AFG2A: variants seen among roughly 807,000 people sequenced by gnomAD.
AFG2A encodes the protein ATPase family gene 2 protein homolog A.
the AFG2A span, among the ~76,000 whole-genome samples, chr4:123,185,496 A>G: frequency 2.0e-5 from 3 of 152,156 alleles, no homozygotes; most frequent in African/African-American, 7.2e-5. Flanking sequence ...AAATAGGTTG[A>G]AGTAATTTTG....
At chr4:123,205,896 C>A in the AFG2A span, among the ~76,000 whole-genome samples, 1 of 152,154 alleles carries the variant, frequency 6.6e-6, no homozygotes, top group Non-Finnish European at 1.5e-5. Context: ...AGTATTCAGG[C>A]ATCCCCTGCT....
the AFG2A span, among the ~76,000 whole-genome samples, chr4:123,278,625 G>A: frequency 3.9e-5 from 6 of 152,160 alleles, no homozygotes; most frequent in African/African-American, 9.6e-5. Context: ...CTGCCTTAGC[G>A]GTGTCCCAGA....
chr4:123,193,042 T>A, the AFG2A span, among the ~76,000 whole-genome samples: 110 of 152,372 alleles, frequency 7.2e-4, no homozygotes, highest in African/African-American at 2.5e-3. Context: ...CAAGTGGCTT[T>A]AATTCTTCTG....
At chr4:123,084,596 G>T in the AFG2A span, among the ~76,000 whole-genome samples, 63 of 146,032 alleles carry the variant, frequency 4.3e-4, no homozygotes, top group African/African-American at 1.6e-3. Context: ...ATATATGTGT[G>T]TGTGTGTGTG....
chr4:123,265,767 TA>T, the AFG2A span, among the ~76,000 whole-genome samples: 4 of 152,192 alleles, frequency 2.6e-5, no homozygotes, highest in Non-Finnish European at 4.4e-5. Flanking sequence ...CCAGATAATC[TA>T]GTCCCCAAGG....
the AFG2A span, among the ~76,000 whole-genome samples, chr4:123,069,836 G>A: frequency 6.6e-6 from 1 of 152,136 alleles, no homozygotes; most frequent in Non-Finnish European, 1.5e-5. Context: ...AAAACGTAAA[G>A]TACTCTAATT....
At chr4:123,134,312 C>A in the AFG2A span, among the ~76,000 whole-genome samples, 4 of 152,242 alleles carry the variant, frequency 2.6e-5, no homozygotes, top group Admixed American at 6.5e-5. Flanking sequence ...CATTTTTATT[C>A]TATATGTGGA....
chr4:123,065,061 G>A, the AFG2A span, among the ~76,000 whole-genome samples: 15 of 152,170 alleles, frequency 9.9e-5, no homozygotes, highest in African/African-American at 3.6e-4. Context: ...CTATAGAGCA[G>A]ATACCCTGAG....
At chr4:123,024,943 T>C in the AFG2A span, among the ~76,000 whole-genome samples, 3 of 152,040 alleles carry the variant, frequency 2.0e-5, no homozygotes, top group African/African-American at 7.2e-5. Context: ...AGAAAGAGGA[T>C]GGGGTAGAGG....
At chr4:123,056,248 A>G in the AFG2A span, 1 of 726,752 alleles carries the variant, frequency 1.4e-6, no homozygotes, top group South Asian at 2.2e-5. Context: ...TAACAAACAG[A>G]GAAAATAAGC....
At chr4:123,004,371 G>T in the AFG2A span, among the ~76,000 whole-genome samples, 1 of 152,260 alleles carries the variant, frequency 6.6e-6, no homozygotes, top group Non-Finnish European at 1.5e-5. Flanking sequence ...TACCTCAGAT[G>T]TAAATGCAGA....
At chr4:122,950,002 A>G in the AFG2A span, among the ~76,000 whole-genome samples, 1 of 152,220 alleles carries the variant, frequency 6.6e-6, no homozygotes. Flanking sequence ...CAAGGGCCAT[A>G]GCAGATTACT....
chr4:122,957,060 T>G, the AFG2A span, among the ~76,000 whole-genome samples: 1 of 152,084 alleles, frequency 6.6e-6, no homozygotes, highest in Non-Finnish European at 1.5e-5. Flanking sequence ...AGATGATATT[T>G]TAGTGTCATA....
the AFG2A span, among the ~76,000 whole-genome samples, chr4:123,127,503 G>A: frequency 1.3e-5 from 2 of 152,042 alleles, no homozygotes; most frequent in East Asian, 3.9e-4. Flanking sequence ...TCTTCAGTTG[G>A]TAAGCTGATA....
chr4:123,173,677 T>C, the AFG2A span, among the ~76,000 whole-genome samples: 2 of 152,124 alleles, frequency 1.3e-5, no homozygotes, highest in African/African-American at 4.8e-5. Context: ...TATAGTATTT[T>C]ATCTAAGGAA....
the AFG2A span, among the ~76,000 whole-genome samples, chr4:123,286,099 G>T: frequency 6.6e-6 from 1 of 152,208 alleles, no homozygotes; most frequent in South Asian, 2.1e-4. Flanking sequence ...CAAGAGCATA[G>T]AACAAGGACT....
chr4:123,056,996 A>G, the AFG2A span, among the ~76,000 whole-genome samples: 1 of 152,230 alleles, frequency 6.6e-6, no homozygotes, highest in Non-Finnish European at 1.5e-5. Context: ...GTGAATATGT[A>G]TTGATAGTCT....
the AFG2A span, among the ~76,000 whole-genome samples, chr4:122,956,915 C>T: frequency 6.6e-6 from 1 of 152,064 alleles, no homozygotes; most frequent in African/African-American, 2.4e-5. Context: ...TCTAATGAGG[C>T]AGGGTGGTAT....
At chr4:122,965,440 A>G in the AFG2A span, among the ~76,000 whole-genome samples, 6 of 152,228 alleles carry the variant, frequency 3.9e-5, no homozygotes, top group African/African-American at 1.2e-4. Context: ...GGAGCAAGTC[A>G]TATACAAGTC....
Sources: allele counts gnomAD v4.1 joint callset (sites outside exome capture counted in the v4.1 genomes callset), GRCh38; gene constraint gnomAD v4.1.1; transcripts MANE v1.5; gene names NCBI Gene and HGNC (gene_info 2026-07-23, HGNC 2026-07-21).